The following ITGB6 variants were observed in gnomAD, a reference collection of about 807,000 sequenced individuals.
The protein encoded by ITGB6 is integrin subunit beta 6, also known as integrin beta-6.
A neutral mutation model predicts 84.5 loss-of-function variants in ITGB6; 80 were observed. The ratio of observed to expected loss-of-function variants is 0.95; its 90% confidence interval spans 0.79 to 1.14. The LOEUF (loss-of-function observed/expected upper bound fraction) is 1.14, where lower values mean the gene tolerates loss of function less well. Ranked by LOEUF, ITGB6 falls within the 50% of genes most tolerant of loss-of-function variation. The pLI is 0.00. For synonymous variants in ITGB6, 383 were observed against 354.9 expected, an observed-to-expected ratio of 1.08 and a Z score of -0.89; for missense variants, 1,006 against 968.0, an observed-to-expected ratio of 1.04 and a Z score of -0.52.
chr2:160,183,476 C>A (rs796095817), intron 4 of ITGB6, among the ~76,000 whole-genome samples: 101 of 152,210 alleles, frequency 6.6e-4, no homozygotes, highest in African/African-American at 2.3e-3. Flanking sequence ...ACAGCAGAAC[C>A]CAGATTCATA....
intron 5 of ITGB6, among the ~76,000 whole-genome samples, chr2:160,173,738 AT>A (rs1471474107): frequency 6.6e-6 from 1 of 152,080 alleles, no homozygotes; most frequent in African/African-American, 2.4e-5. Flanking sequence ...TTTCAACTAA[AT>A]TTTCCCAACA....
intron 4 of ITGB6, among the ~76,000 whole-genome samples, chr2:160,186,020 A>T (rs537312800): frequency 6.6e-6 from 1 of 152,348 alleles, no homozygotes; most frequent in East Asian, 1.9e-4. Context: ...TAAAAACCCT[A>T]GAAGAAAATC....
chr2:160,101,175 AATT>A lies in ITGB6; in HGVS notation c.*558_*560del, dbSNP rs1415231313. The A allele has an allele frequency of 1.3e-5, 2 of 152,410 alleles. No individual in the cohort carries two copies. Among genetic ancestry groups the A allele is most frequent in the African/African-American group, 2.4e-5 (1 of 41,462 alleles). 9.4% of individuals were successfully genotyped at this position (152,410 alleles called of 1,614,324 possible). A position where few individuals can be genotyped will look rare whatever the true frequency, so the allele number is the denominator to read the frequency against. Reference sequence around the variant, plus strand: ...GTTTAGGTGTGTATAAATTCACAAAAATTATTAACACTTAACTTTCAACCTTAT... The same window carrying A: ...GTTTAGGTGTGTATAAATTCACAAAAATTAACACTTAACTTTCAACCTTAT... On this transcript the variant is annotated 3_prime_UTR_variant, in exon 15 of 15. Coordinates refer to ENST00000283249, the MANE Select transcript of ITGB6 (RefSeq NM_000888.5).
intron 12 of ITGB6, among the ~76,000 whole-genome samples, chr2:160,116,077 G>A (rs1682751988): frequency 6.8e-6 from 1 of 147,256 alleles, no homozygotes. Context: ...AACCAAGTTG[G>A]AAAACACTCT....
At chr2:160,153,406 T>A (rs1684503297) in intron 7 of ITGB6, among the ~76,000 whole-genome samples, 1 of 152,150 alleles carries the variant, frequency 6.6e-6, no homozygotes. Flanking sequence ...TGAAATTGGA[T>A]CCCTTCCTTA....
chr2:160,155,212 C>G (rs570049065), intron 7 of ITGB6, among the ~76,000 whole-genome samples: 4 of 152,192 alleles, frequency 2.6e-5, no homozygotes, highest in African/African-American at 9.6e-5. Flanking sequence ...TGAGAACAGA[C>G]TAATACAGTA....
chr2:160,179,003 A>G (rs973169642), intron 4 of ITGB6: 1 of 152,252 alleles, frequency 6.6e-6, no homozygotes, highest in East Asian at 1.9e-4. Context: ...ACAAATGTTC[A>G]TATTTTGTTG....
intron 6 of ITGB6, among the ~76,000 whole-genome samples, chr2:160,170,686 G>A (rs1393380721): frequency 6.6e-6 from 1 of 152,224 alleles, no homozygotes; most frequent in African/African-American, 2.4e-5. Flanking sequence ...TCTGGCCTGA[G>A]TTTTGAGTAC....
At chr2:160,156,918 C>A (rs1012105941) in intron 7 of ITGB6, among the ~76,000 whole-genome samples, 37 of 152,302 alleles carry the variant, frequency 2.4e-4, no homozygotes, top group African/African-American at 8.7e-4. Context: ...AATGAGTAAG[C>A]CTGACTGGGT....
intron 4 of ITGB6, among the ~76,000 whole-genome samples, chr2:160,189,670 G>C (rs1290194610): frequency 1.3e-5 from 2 of 152,022 alleles, no homozygotes; most frequent in Non-Finnish European, 2.9e-5. Flanking sequence ...TCTCACACCA[G>C]TTAGAATGGC....
At chr2:160,198,039 G>A (rs2105900577) in intron 2 of ITGB6, among the ~76,000 whole-genome samples, 1 of 152,332 alleles carries the variant, frequency 6.6e-6, no homozygotes, top group African/African-American at 2.4e-5. Context: ...ACTCTCTTAA[G>A]TAAATGCTGA....
At chr2:160,194,988 G>A (rs1016536258) in intron 4 of ITGB6, among the ~76,000 whole-genome samples, 1 of 152,186 alleles carries the variant, frequency 6.6e-6, no homozygotes, top group African/African-American at 2.4e-5. Flanking sequence ...GAAAGTGAAG[G>A]TTATTCTCAA....
intron 4 of ITGB6, among the ~76,000 whole-genome samples, chr2:160,194,341 A>G (rs566363971): frequency 1.3e-5 from 2 of 152,072 alleles, no homozygotes; most frequent in South Asian, 4.1e-4. Flanking sequence ...TTTAAATGGT[A>G]TAATAAAAGC....
intron 7 of ITGB6, among the ~76,000 whole-genome samples, chr2:160,154,234 C>G: frequency 6.6e-6 from 1 of 152,168 alleles, no homozygotes; most frequent in Non-Finnish European, 1.5e-5. Flanking sequence ...ACATATACAC[C>G]ATGGAATACT....
At chr2:160,151,811 A>G (rs906242279) in intron 7 of ITGB6, among the ~76,000 whole-genome samples, 6 of 152,226 alleles carry the variant, frequency 3.9e-5, no homozygotes, top group Non-Finnish European at 5.9e-5. Context: ...AAAGAATACT[A>G]TAAATACCTC....
At chr2:160,115,929 G>T (rs915089598) in intron 12 of ITGB6, among the ~76,000 whole-genome samples, 1 of 150,324 alleles carries the variant, frequency 6.7e-6, no homozygotes, top group Admixed American at 6.7e-5. Context: ...AAGATGAAAT[G>T]AATGAAATGA....
At chr2:160,164,497 GTT>G (rs1229405791) in intron 7 of ITGB6, among the ~76,000 whole-genome samples, 1 of 152,112 alleles carries the variant, frequency 6.6e-6, no homozygotes, top group East Asian at 1.9e-4. Context: ...TTTGAGATCA[GTT>G]TGGCTAACTA....
intron 10 of ITGB6, among the ~76,000 whole-genome samples, chr2:160,127,118 T>G (rs560394627): frequency 1.3e-5 from 2 of 152,270 alleles, no homozygotes; most frequent in African/African-American, 4.8e-5. Context: ...AAGTAAAGTA[T>G]TTTACCCCAA....
intron 12 of ITGB6, among the ~76,000 whole-genome samples, chr2:160,117,460 A>G (rs531612047): frequency 1.6e-4 from 25 of 152,326 alleles, no homozygotes; most frequent in East Asian, 7.7e-4. Context: ...TGTTCTTTGA[A>G]ACCAGCGAGA....
Sources: allele counts gnomAD v4.1 joint callset (sites outside exome capture counted in the v4.1 genomes callset), GRCh38; gene constraint gnomAD v4.1.1; transcripts MANE v1.5; gene names NCBI Gene and HGNC (gene_info 2026-07-23, HGNC 2026-07-21).